Variants in PTPRN2 observed in about 807,000 individuals in gnomAD.
The protein encoded by PTPRN2 is protein tyrosine phosphatase receptor type N2.
PTPRN2 carries 74 observed loss-of-function variants against 118.8 expected under a neutral mutation model. The ratio of observed to expected loss-of-function variants is 0.62; its 90% confidence interval spans 0.52 to 0.76. The LOEUF is 0.76. Ranked by LOEUF, PTPRN2 falls within the 30% of genes least tolerant of loss-of-function variation. The pLI is 0.00. For synonymous variants in PTPRN2, 641 were observed against 608.0 expected (o/e 1.05, Z -0.80); for missense variants, 1,481 against 1,394.4 (o/e 1.06, Z -0.99).
At position 157,674,825 on chromosome 7, in the gene PTPRN2, G is replaced by A. The variant is rs973585100; in HGVS notation, c.2001+7900C>T. ...GGCCCTGCCGGGCGTCTCCTCCCAC[G>A]CCGAGCTCCTCCTGCCGGGGGGGTC... On this transcript the variant is annotated intron_variant, in intron 13 of 22. Transcript: ENST00000389418. The surrounding 1 kb of genome is among the most constrained non-coding windows in gnomAD (Gnocchi z 4.5). Among the ~76,000 whole-genome samples the A allele has an allele frequency of 4.6e-5, 7 of 152,174 alleles. No homozygotes were observed. Among genetic ancestry groups the A allele is most frequent in the African/African-American group, 1.2e-4 (5 of 41,432 alleles).
At chr7:158,330,724 A>AAC (rs1804193719) in intron 2 of PTPRN2, among the ~76,000 whole-genome samples, 1 of 111,032 alleles carries the variant, frequency 9.0e-6, no homozygotes, top group African/African-American at 2.9e-5. Context: ...AAGAGCCGAC[A>AAC]CGTGCAGACG....
In PTPRN2 at chr7:157,560,667, G is replaced by A. The variant is rs1799143506; in HGVS notation, c.2902+8235C>T. 6.6e-6 allele frequency among the ~76,000 whole-genome samples: 1 copy of A among 152,106 alleles called. No individual in the cohort carries two copies. The highest frequency in any genetic ancestry group is 1.5e-5 in the Non-Finnish European group (1 of 68,018). On this transcript the variant is annotated intron_variant, in intron 21 of 22. Transcript: ENST00000389418. This position sits in a 1 kb window ranked among gnomAD's most constrained non-coding sequence, Gnocchi z 6.7. ...GAGGCCCTGCTCCTGCCCGACCGAAGGCAACTTCTCCCTTGAAGAGAAAGG... is the reference window on the plus strand; with the variant it reads ...GAGGCCCTGCTCCTGCCCGACCGAAAGCAACTTCTCCCTTGAAGAGAAAGG...
chr7:158,279,434 T>C (rs1269991758), intron 3 of PTPRN2, among the ~76,000 whole-genome samples: 1 of 152,150 alleles, frequency 6.6e-6, no homozygotes, highest in Non-Finnish European at 1.5e-5. Flanking sequence ...TGCAGGACTT[T>C]GTGGCCCCTA....
At chr7:158,122,332 A>G (rs1817239507) in intron 9 of PTPRN2, among the ~76,000 whole-genome samples, 2 of 152,166 alleles carry the variant, frequency 1.3e-5, no homozygotes, top group African/African-American at 4.8e-5. Flanking sequence ...AATCAGCCAC[A>G]TGGGAGGCCC....
At chr7:158,388,540 G>A (rs556974636) in intron 2 of PTPRN2, among the ~76,000 whole-genome samples, 3 of 152,314 alleles carry the variant, frequency 2.0e-5, no homozygotes, top group Admixed American at 6.5e-5. Flanking sequence ...CAGGGCACAC[G>A]TCACACCTGC....
intron 11 of PTPRN2, among the ~76,000 whole-genome samples, chr7:158,006,023 G>T (rs1805610694): frequency 6.6e-6 from 1 of 152,192 alleles, no homozygotes; most frequent in South Asian, 2.1e-4. Flanking sequence ...GGTGGTACTA[G>T]CAGCAGCCAC....
intron 10 of PTPRN2, among the ~76,000 whole-genome samples, chr7:158,084,917 CACGCCCATCCACACCCTCG>C (rs1813164205): frequency 8.9e-5 from 10 of 112,564 alleles, no homozygotes; most frequent in Non-Finnish European, 1.6e-4. Context: ...CCACACCCAC[CACGCCCATCCACACCCTCG>C]ACGCCCATCC....
intron 3 of PTPRN2, among the ~76,000 whole-genome samples, chr7:158,219,962 G>A (rs1828232501): frequency 6.6e-6 from 1 of 151,666 alleles, no homozygotes; most frequent in South Asian, 2.1e-4. Context: ...AGCAGAGCTA[G>A]TAACAATCCT....
In PTPRN2 at chr7:157,611,872, G is replaced by C. The variant is rs1326637268; in HGVS notation, c.2345-7797C>G. ...CGCGGAGGGAGAGCGCCCGTGTGAAGACGAAGACAGCCGCAGTCATGCTGG... is the reference window on the plus strand; with the variant it reads ...CGCGGAGGGAGAGCGCCCGTGTGAACACGAAGACAGCCGCAGTCATGCTGG... On this transcript the variant is annotated intron_variant, in intron 15 of 22. Coordinates refer to ENST00000389418, the MANE Select transcript of PTPRN2 (RefSeq NM_002847.5). This position sits in a 1 kb window ranked among gnomAD's most constrained non-coding sequence, Gnocchi z 5.9. 6.6e-6 allele frequency among the ~76,000 whole-genome samples: 1 copy of C among 151,088 alleles called. No homozygotes were observed. The highest frequency in any genetic ancestry group is 1.5e-5 in the Non-Finnish European group (1 of 67,670).
At chr7:157,731,469 G>T (rs1365716900) in intron 12 of PTPRN2, among the ~76,000 whole-genome samples, 2 of 150,446 alleles carry the variant, frequency 1.3e-5, no homozygotes, top group African/African-American at 2.4e-5. Flanking sequence ...CTTCCCACGC[G>T]CCCAGCACAG....
chr7:157,922,145 T>G (rs1025094428), intron 11 of PTPRN2, among the ~76,000 whole-genome samples: 2 of 152,242 alleles, frequency 1.3e-5, no homozygotes, highest in African/African-American at 4.8e-5. Context: ...AAGGGCATTC[T>G]CCATGTGTAC....
intron 17 of PTPRN2, among the ~76,000 whole-genome samples, chr7:157,586,936 G>A (rs867629872): frequency 9.8e-5 from 15 of 152,318 alleles, no homozygotes; most frequent in African/African-American, 3.4e-4. Context: ...CCCCTCCACC[G>A]GGGCCAGGCC....
intron 12 of PTPRN2, among the ~76,000 whole-genome samples, chr7:157,735,528 C>G (rs1164608741): frequency 1.3e-5 from 2 of 152,212 alleles, no homozygotes; most frequent in Admixed American, 1.3e-4. Context: ...TGAAGCTGCC[C>G]TTTGGAAATG....
chr7:158,305,802 AAAAAAGAAAGAAAG>A (rs1801244561), intron 3 of PTPRN2, among the ~76,000 whole-genome samples: 2 of 151,906 alleles, frequency 1.3e-5, no homozygotes, highest in Non-Finnish European at 2.9e-5. Flanking sequence ...CAAAAAAAAA[AAAAAAGAAAGAAAG>A]AAAAAGAAAG....
intron 2 of PTPRN2, among the ~76,000 whole-genome samples, chr7:158,459,181 C>G (rs1248003713): frequency 6.7e-6 from 1 of 149,062 alleles, no homozygotes; most frequent in Non-Finnish European, 1.5e-5. Flanking sequence ...GGCTGTGGCT[C>G]CAAGTGCACA....
At chr7:157,548,033 G>A (rs1798413002) in intron 22 of PTPRN2, among the ~76,000 whole-genome samples, 1 of 152,214 alleles carries the variant, frequency 6.6e-6, no homozygotes, top group African/African-American at 2.4e-5. Context: ...CTGTGGTTAT[G>A]TGAGGTGTTC....
At chr7:158,125,546 G>A (rs1385004405) in intron 9 of PTPRN2, among the ~76,000 whole-genome samples, 1 of 152,160 alleles carries the variant, frequency 6.6e-6, no homozygotes, top group Admixed American at 6.5e-5. Flanking sequence ...AAGCAACCGT[G>A]AACATGTTTA....
At chr7:158,511,552 G>A (rs1213967680) in intron 1 of PTPRN2, among the ~76,000 whole-genome samples, 1 of 152,200 alleles carries the variant, frequency 6.6e-6, no homozygotes, top group Non-Finnish European at 1.5e-5. Flanking sequence ...TCCCATACCT[G>A]TCTCTGTAGA....
At chr7:158,295,653 G>A (rs1468688464) in intron 3 of PTPRN2, among the ~76,000 whole-genome samples, 1 of 149,392 alleles carries the variant, frequency 6.7e-6, no homozygotes, top group Admixed American at 6.7e-5. Context: ...CATGGGGCCC[G>A]CTGACCCTGC....
Sources: allele counts gnomAD v4.1 joint callset (sites outside exome capture counted in the v4.1 genomes callset), GRCh38; gene constraint gnomAD v4.1.1; non-coding constraint Gnocchi (gnomAD v3.1); transcripts MANE v1.5; gene names NCBI Gene and HGNC (gene_info 2026-07-23, HGNC 2026-07-21).